PIK3C2G: variants seen among roughly 807,000 people sequenced by gnomAD.
The protein encoded by PIK3C2G is phosphatidylinositol 3-kinase C2 domain-containing subunit gamma.
Under a neutral mutation model 181.1 loss-of-function variants are expected in PIK3C2G, and 168 were observed. That is an observed-to-expected ratio of 0.93 (90% CI 0.82 to 1.05). The LOEUF (loss-of-function observed/expected upper bound fraction) is 1.05, where lower values mean the gene tolerates loss of function less well. PIK3C2G is among the 50% of genes least tolerant of loss of function. The probability of loss-of-function intolerance (pLI) is 0.00; values close to 1 mark genes in which losing one functional copy is unlikely to be tolerated. For synonymous variants in PIK3C2G, 573 were observed against 592.2 expected (o/e 0.97, Z 0.47); for missense variants, 1,869 against 1,732.8 (o/e 1.08, Z -1.40).
intron 8 of PIK3C2G, among the ~76,000 whole-genome samples, chr12:18,327,871 G>C (rs552378743): frequency 6.6e-6 from 1 of 151,962 alleles, no homozygotes; most frequent in Admixed American, 6.6e-5. Flanking sequence ...CGATGATCTA[G>C]TTGGAGAGAC....
At chr12:18,724,698 C>T in the PIK3C2G span, among the ~76,000 whole-genome samples, 5 of 151,956 alleles carry the variant, frequency 3.3e-5, no homozygotes, top group Non-Finnish European at 5.9e-5. Context: ...TTTTTAAATT[C>T]TGGATTTTGA....
intron 31 of PIK3C2G, among the ~76,000 whole-genome samples, chr12:18,632,697 C>T (rs544059027): frequency 1.3e-5 from 2 of 152,252 alleles, no homozygotes; most frequent in East Asian, 1.9e-4. Flanking sequence ...GTGTAAGTCC[C>T]AGAGGACCAG....
At chr12:18,407,954 C>G (rs922177482) in intron 16 of PIK3C2G, among the ~76,000 whole-genome samples, 5 of 152,090 alleles carry the variant, frequency 3.3e-5, no homozygotes, top group Non-Finnish European at 7.4e-5. Flanking sequence ...TTGAGGACTT[C>G]TAAAGCAGGA....
intron 24 of PIK3C2G, among the ~76,000 whole-genome samples, chr12:18,534,239 C>T (rs1943721320): frequency 6.6e-6 from 1 of 151,986 alleles, no homozygotes; most frequent in African/African-American, 2.4e-5. Context: ...TGTGAGCCAC[C>T]ATGCCCAGCC....
At chr12:18,549,533 A>G (rs954723287) in intron 26 of PIK3C2G, among the ~76,000 whole-genome samples, 1 of 151,978 alleles carries the variant, frequency 6.6e-6, no homozygotes, top group African/African-American at 2.4e-5. Context: ...GACCCCAAGG[A>G]AGTTAAATAA....
chr12:18,409,184 A>T (rs1033332205), intron 16 of PIK3C2G, among the ~76,000 whole-genome samples: 4 of 152,158 alleles, frequency 2.6e-5, no homozygotes, highest in Non-Finnish European at 4.4e-5. Context: ...AAAGAAAATG[A>T]GGCACATATA....
intron 24 of PIK3C2G, among the ~76,000 whole-genome samples, chr12:18,513,144 C>T (rs1193102881): frequency 6.6e-6 from 1 of 151,780 alleles, no homozygotes; most frequent in Non-Finnish European, 1.5e-5. Context: ...GGGTAAATCC[C>T]TCTGGACCAT....
At chr12:18,265,740 G>T (rs569354974) in intron 1 of PIK3C2G, among the ~76,000 whole-genome samples, 1 of 151,890 alleles carries the variant, frequency 6.6e-6, no homozygotes, top group South Asian at 2.1e-4. Flanking sequence ...TAGGCTGGGC[G>T]TGGTGGCTCA....
chr12:18,556,378 A>C (rs189142267), intron 26 of PIK3C2G, among the ~76,000 whole-genome samples: 1 of 152,114 alleles, frequency 6.6e-6, no homozygotes, highest in Non-Finnish European at 1.5e-5. Flanking sequence ...TAGGAGATGG[A>C]TTTGAGTGAA....
At chr12:18,486,488 G>A (rs1274997942) in intron 18 of PIK3C2G, among the ~76,000 whole-genome samples, 1 of 151,908 alleles carries the variant, frequency 6.6e-6, no homozygotes, top group East Asian at 1.9e-4. Context: ...CAAATTAACT[G>A]AACAATTCTG....
chr12:18,706,116 C>G, the PIK3C2G span, among the ~76,000 whole-genome samples: 21 of 151,660 alleles, frequency 1.4e-4, no homozygotes, highest in African/African-American at 5.1e-4. Flanking sequence ...GCCTGTAATC[C>G]CAGTTACCTG....
intron 18 of PIK3C2G, among the ~76,000 whole-genome samples, chr12:18,454,872 T>C (rs1488244826): frequency 1.4e-4 from 22 of 152,192 alleles, no homozygotes; most frequent in Admixed American, 1.4e-3. Flanking sequence ...AACTAAGTTT[T>C]ATTCACTTAA....
At chr12:18,554,989 T>C (rs980453954) in intron 26 of PIK3C2G, among the ~76,000 whole-genome samples, 2 of 152,122 alleles carry the variant, frequency 1.3e-5, no homozygotes, top group African/African-American at 2.4e-5. Context: ...AATTTGTTCA[T>C]GGGGAGTCAG....
intron 16 of PIK3C2G, among the ~76,000 whole-genome samples, chr12:18,407,549 A>G (rs1439226938): frequency 6.6e-6 from 1 of 152,108 alleles, no homozygotes; most frequent in Non-Finnish European, 1.5e-5. Context: ...AAGAAACATG[A>G]TCTTTATTCA....
chr12:18,468,044 GTCAC>G (rs762708422), intron 18 of PIK3C2G, among the ~76,000 whole-genome samples: 11 of 151,934 alleles, frequency 7.2e-5, no homozygotes, highest in Admixed American at 5.9e-4. Context: ...ACATCATCCT[GTCAC>G]TCAAACACAG....
intron 29 of PIK3C2G, among the ~76,000 whole-genome samples, chr12:18,572,991 T>C (rs1946047827): frequency 6.6e-6 from 1 of 152,170 alleles, no homozygotes; most frequent in Non-Finnish European, 1.5e-5. Flanking sequence ...TATCTGCAAA[T>C]AGTAAGCATA....
chr12:18,487,196 GA>G, intron 18 of PIK3C2G, among the ~76,000 whole-genome samples: 1 of 150,838 alleles, frequency 6.6e-6, no homozygotes, highest in South Asian at 2.1e-4. Flanking sequence ...TTTCCTTTGA[GA>G]AAATAAAAGA....
At chr12:18,708,470 C>T in the PIK3C2G span, among the ~76,000 whole-genome samples, 3 of 152,288 alleles carry the variant, frequency 2.0e-5, no homozygotes, top group Admixed American at 6.5e-5. Context: ...ACAGTGAACA[C>T]TGCAGCACAA....
At chr12:18,693,361 G>C in the PIK3C2G span, 2 of 1,600,360 alleles carry the variant, frequency 1.2e-6, no homozygotes, top group Non-Finnish European at 1.7e-6. Flanking sequence ...AACCAAATTC[G>C]GGAAATTAAG....
Sources: allele counts gnomAD v4.1 joint callset (sites outside exome capture counted in the v4.1 genomes callset), GRCh38; gene constraint gnomAD v4.1.1; transcripts MANE v1.5; gene names NCBI Gene and HGNC (gene_info 2026-07-23, HGNC 2026-07-21).